VWA8: variants seen among roughly 807,000 people sequenced by gnomAD.
VWA8 encodes von Willebrand factor A domain containing 8.
A neutral mutation model predicts 241.5 loss-of-function variants in VWA8; 221 were observed. The observed-to-expected ratio is 0.91, with a 90% CI of 0.82 to 1.02. The LOEUF is 1.02. Ranked by LOEUF, VWA8 falls within the 50% of genes least tolerant of loss-of-function variation. The probability of loss-of-function intolerance (pLI) is 0.00; values close to 1 mark genes in which losing one functional copy is unlikely to be tolerated. For synonymous variants in VWA8, 852 were observed against 827.1 expected (o/e 1.03, Z -0.52); for missense variants, 2,322 against 2,328.7 (o/e 1.00, Z 0.06).
chr13:41,638,008 T>C (rs1193323232), intron 37 of VWA8, among the ~76,000 whole-genome samples: 5 of 152,204 alleles, frequency 3.3e-5, no homozygotes, highest in Non-Finnish European at 5.9e-5. Flanking sequence ...AATCTTGGTG[T>C]TCTATTCTCT....
rs115844557 is a variant in VWA8 at position 41,666,676 on chromosome 13, G to C, written c.4611+4270C>G. On this transcript the variant is annotated intron_variant, in intron 37 of 44. Transcript: ENST00000379310. ...AACTAGTTTACTAGCACGCCACCGG[G>C]ATCTTGCATTTTCACTCAGTACTCC... 3.9e-3 allele frequency among the ~76,000 whole-genome samples: 588 copies of C among 152,146 alleles called. 7 individuals carry two copies. The highest frequency in any genetic ancestry group is 0.013 in the African/African-American group (529 of 41,506).
At chr13:41,603,121 G>A (rs1226180562) in intron 40 of VWA8, among the ~76,000 whole-genome samples, 1 of 152,058 alleles carries the variant, frequency 6.6e-6, no homozygotes, top group Non-Finnish European at 1.5e-5. Flanking sequence ...CCCCCTTAAG[G>A]ATTTTTAAAA....
At chr13:41,863,941 C>G (rs1412433459) in intron 12 of VWA8, among the ~76,000 whole-genome samples, 1 of 151,550 alleles carries the variant, frequency 6.6e-6, no homozygotes, top group Non-Finnish European at 1.5e-5. Context: ...GCACATGTAC[C>G]CACAAATCTA....
At chr13:41,783,967 A>G in intron 18 of VWA8, 66 bp from the exon 19 acceptor site, 3 of 1,166,744 alleles carry the variant, frequency 2.6e-6, no homozygotes, top group East Asian at 2.4e-5. Flanking sequence ...AAGCCACCCA[A>G]CACAGAATGC....
chr13:41,868,887 C>CAAAAAAAAAAAA (rs56124196), intron 9 of VWA8, among the ~76,000 whole-genome samples: 1 of 75,906 alleles, frequency 1.3e-5, no homozygotes. Flanking sequence ...GACTCCGTCT[C>CAAAAAAAAAAAA]AAAAAAAAAA....
chr13:41,614,220 C>T (rs902897539), intron 38 of VWA8, among the ~76,000 whole-genome samples: 13 of 152,278 alleles, frequency 8.5e-5, no homozygotes, highest in African/African-American at 2.4e-4. Flanking sequence ...CATTTCCTCC[C>T]GAGGCTGTCA....
At chr13:41,919,500 C>T (rs1876412309) in intron 2 of VWA8, among the ~76,000 whole-genome samples, 1 of 152,112 alleles carries the variant, frequency 6.6e-6, no homozygotes, top group South Asian at 2.1e-4. Flanking sequence ...GCATCCTGTT[C>T]CAGGGATGGG....
At chr13:41,834,408 T>C (rs1939023003) in intron 12 of VWA8, among the ~76,000 whole-genome samples, 1 of 152,254 alleles carries the variant, frequency 6.6e-6, no homozygotes, top group Admixed American at 6.5e-5. Flanking sequence ...CTGTAAATTC[T>C]TGGCTACACA....
At chr13:41,943,650 T>C (rs1450666388) in intron 2 of VWA8, among the ~76,000 whole-genome samples, 2 of 152,150 alleles carry the variant, frequency 1.3e-5, no homozygotes, top group Non-Finnish European at 2.9e-5. Context: ...CCATAATACA[T>C]AAAAAACTTT....
At chr13:41,776,686 A>G (rs1451779496) in intron 20 of VWA8, among the ~76,000 whole-genome samples, 1 of 152,182 alleles carries the variant, frequency 6.6e-6, no homozygotes, top group East Asian at 1.9e-4. Flanking sequence ...TCCTTACGTT[A>G]GCCCAAAGGG....
intron 37 of VWA8, among the ~76,000 whole-genome samples, chr13:41,650,659 G>A (rs1302440685): frequency 6.6e-6 from 1 of 152,220 alleles, no homozygotes. Flanking sequence ...ATCTGACCAG[G>A]TGTCAGGCTC....
intron 12 of VWA8, among the ~76,000 whole-genome samples, chr13:41,864,963 C>T (rs955003287): frequency 1.5e-5 from 2 of 137,236 alleles, no homozygotes; most frequent in African/African-American, 2.8e-5. Flanking sequence ...GCATTGCAGC[C>T]TGGGCAAAAG....
intron 37 of VWA8, among the ~76,000 whole-genome samples, chr13:41,615,931 T>A (rs1168490409): frequency 1.3e-5 from 2 of 152,236 alleles, no homozygotes; most frequent in Non-Finnish European, 2.9e-5. Flanking sequence ...ATGCAATGAT[T>A]TCCCAGAAGA....
intron 43 of VWA8, among the ~76,000 whole-genome samples, chr13:41,575,238 T>C (rs1178584256): frequency 6.6e-6 from 1 of 152,024 alleles, no homozygotes; most frequent in African/African-American, 2.4e-5. Flanking sequence ...AAGAGTGATA[T>C]AATGGACTTT....
intron 42 of VWA8, among the ~76,000 whole-genome samples, chr13:41,576,084 AG>A (rs772225650): frequency 6.6e-6 from 1 of 152,194 alleles, no homozygotes; most frequent in Non-Finnish European, 1.5e-5. Context: ...CTGGAAAAAA[AG>A]TCTGGGGTCT....
intron 37 of VWA8, among the ~76,000 whole-genome samples, chr13:41,664,761 G>C (rs925334038): frequency 5.3e-5 from 8 of 152,076 alleles, no homozygotes; most frequent in African/African-American, 1.9e-4. Context: ...TAAAATAGGA[G>C]GAGGAAAAAG....
In VWA8 at chr13:41,719,759, T is replaced by G. The variant is rs1232616634; in HGVS notation, c.2965-17A>C. ...CGGAAATTTCTGTATTAAAAAAAAA[T>G]TCCCTTATTATGCATGTGATAAAAT... On this transcript the variant is annotated splice_polypyrimidine_tract_variant and intron_variant, in intron 25 of 44. Coordinates refer to ENST00000379310, the MANE Select transcript of VWA8 (RefSeq NM_015058.2). 3.8e-6 allele frequency: 6 copies of G among 1,600,000 alleles called. No homozygotes were observed. Among genetic ancestry groups the G allele is most frequent in the Non-Finnish European group, 5.1e-6 (6 of 1,172,584 alleles).
chr13:41,735,388 A>G (rs530706023), intron 21 of VWA8, among the ~76,000 whole-genome samples: 7 of 152,356 alleles, frequency 4.6e-5, no homozygotes, highest in African/African-American at 1.7e-4. Context: ...TTCTGATAGC[A>G]TACAACTTGT....
intron 17 of VWA8, chr13:41,807,918 C>T (rs753053726): frequency 3.9e-5 from 6 of 152,162 alleles, no homozygotes; most frequent in Admixed American, 6.5e-5. Flanking sequence ...GCAGGGAGAT[C>T]GCGCCTGTGA....
Sources: gnomAD v4.1 joint callset for allele counts (sites outside exome capture counted in the v4.1 genomes callset) on GRCh38, gnomAD v4.1.1 for gene constraint, MANE v1.5 for transcripts, NCBI Gene and HGNC (gene_info 2026-07-23, HGNC 2026-07-21) for gene names.